ASCC3: variants seen among roughly 807,000 people sequenced by gnomAD.
The protein encoded by ASCC3 is activating signal cointegrator 1 complex subunit 3.
A neutral mutation model predicts 256.3 loss-of-function variants in ASCC3; 158 were observed. The observed-to-expected ratio is 0.62, with a 90% confidence interval of 0.54 to 0.70. The LOEUF (loss-of-function observed/expected upper bound fraction) is 0.70. Ranked by LOEUF, ASCC3 falls within the 30% of genes least tolerant of loss-of-function variation. ASCC3 has a pLI of 0.00. For missense variants in ASCC3, 2,259 were observed against 2,626.0 expected (o/e 0.86, Z 3.05); for synonymous variants, 948 against 883.4 (o/e 1.07, Z -1.30).
At chr6:100,578,100 T>C (rs191710701) in intron 36 of ASCC3, among the ~76,000 whole-genome samples, 7 of 151,988 alleles carry the variant, frequency 4.6e-5, no homozygotes, top group South Asian at 2.1e-4. Flanking sequence ...AAGGGTGATA[T>C]TGTCAATATA....
At chr6:100,851,614 T>G (rs1582962122) in intron 3 of ASCC3, among the ~76,000 whole-genome samples, 1 of 152,296 alleles carries the variant, frequency 6.6e-6, no homozygotes, top group South Asian at 2.1e-4. Flanking sequence ...TCACAAATAC[T>G]TAAAAAAATT....
intron 16 of ASCC3, among the ~76,000 whole-genome samples, chr6:100,656,543 C>T (rs569828418): frequency 6.6e-6 from 1 of 151,494 alleles, no homozygotes; most frequent in East Asian, 1.9e-4. Flanking sequence ...GATAATTCTT[C>T]AGATTGTATC....
intron 13 of ASCC3, among the ~76,000 whole-genome samples, chr6:100,712,485 A>T (rs887779864): frequency 1.3e-5 from 2 of 152,184 alleles, no homozygotes; most frequent in Non-Finnish European, 2.9e-5. Context: ...ACCAAAGAAG[A>T]TGGGCAAATG....
At chr6:100,665,149 C>T (rs1776402956) in intron 14 of ASCC3, among the ~76,000 whole-genome samples, 1 of 152,138 alleles carries the variant, frequency 6.6e-6, no homozygotes, top group Non-Finnish European at 1.5e-5. Context: ...GTACCTCCCA[C>T]TTGATCACAT....
intron 8 of ASCC3, among the ~76,000 whole-genome samples, chr6:100,793,794 T>C (rs1769468657): frequency 6.6e-6 from 1 of 151,872 alleles, no homozygotes; most frequent in Non-Finnish European, 1.5e-5. Context: ...AGATAGAATG[T>C]GGGATAGTGA....
At chr6:100,873,148 T>C (rs1466614375) in intron 1 of ASCC3, among the ~76,000 whole-genome samples, 2 of 88,464 alleles carry the variant, frequency 2.3e-5, no homozygotes, top group South Asian at 2.9e-4. Context: ...AAACAATAAA[T>C]GAAGGGAGAA....
intron 30 of ASCC3, among the ~76,000 whole-genome samples, chr6:100,616,151 G>T (rs1430900471): frequency 6.6e-6 from 1 of 152,054 alleles, no homozygotes; most frequent in Non-Finnish European, 1.5e-5. Flanking sequence ...ATTAATCAAA[G>T]AAAACTATAG....
intron 36 of ASCC3, among the ~76,000 whole-genome samples, chr6:100,579,084 G>A (rs555183648): frequency 2.2e-4 from 34 of 151,782 alleles, no homozygotes; most frequent in East Asian, 3.9e-4. Context: ...GATTAGTGAC[G>A]TTGAGCACTT....
intron 8 of ASCC3, among the ~76,000 whole-genome samples, chr6:100,796,714 T>C (rs996209303): frequency 6.6e-6 from 1 of 152,190 alleles, no homozygotes. Flanking sequence ...CCACCTGATC[T>C]GTGACTTTCA....
In ASCC3 at chr6:100,716,779, TTAGGTGA is replaced by T. The variant is rs201216277; in HGVS notation, c.2080-1253_2080-1247del. Reference sequence around the variant, plus strand: ...AAATATACTTTGGATTTAATTAGCTTTAGGTGATTTAACAATTTGTATGATGCAACTG... The same window carrying T: ...AAATATACTTTGGATTTAATTAGCTTTTTAACAATTTGTATGATGCAACTG... On this transcript the variant is annotated intron_variant, in intron 12 of 41. Coordinates refer to ENST00000369162, the MANE Select transcript of ASCC3 (RefSeq NM_006828.4). Among the ~76,000 whole-genome samples the T allele has an allele frequency of 3.4e-3, 524 of 152,068 alleles. 18 individuals carry two copies. The highest frequency in any genetic ancestry group is 0.029 in the Admixed American group (440 of 15,258).
chr6:100,768,381 A>G (rs1344851611), intron 8 of ASCC3, among the ~76,000 whole-genome samples: 3 of 152,158 alleles, frequency 2.0e-5, no homozygotes, highest in Non-Finnish European at 4.4e-5. Context: ...AAAAGGCCTA[A>G]AAGTAAGCAA....
intron 37 of ASCC3, among the ~76,000 whole-genome samples, chr6:100,521,216 C>G (rs987335671): frequency 2.0e-5 from 3 of 152,046 alleles, no homozygotes; most frequent in African/African-American, 7.2e-5. Flanking sequence ...AAGACCCTAA[C>G]TTTACTTAAT....
At chr6:100,751,411 G>A (rs1346755449) in intron 10 of ASCC3, among the ~76,000 whole-genome samples, 1 of 151,634 alleles carries the variant, frequency 6.6e-6, no homozygotes, top group African/African-American at 2.4e-5. Flanking sequence ...TGACAAATAC[G>A]GTCATAAATA....
chr6:100,555,670 C>T (rs929848582), intron 36 of ASCC3, among the ~76,000 whole-genome samples: 1 of 152,094 alleles, frequency 6.6e-6, no homozygotes, highest in Non-Finnish European at 1.5e-5. Flanking sequence ...GTTTTAAAGG[C>T]TACAATAAAA....
At chr6:100,863,897 A>T (rs1773346304) in intron 3 of ASCC3, among the ~76,000 whole-genome samples, 167 bp downstream of exon 3, 1 of 152,148 alleles carries the variant, frequency 6.6e-6, no homozygotes. Context: ...TGCTGGGGTT[A>T]CATGCATGAG....
Position 100,818,944 on chromosome 6 carries a change from A to G in ASCC3, c.802-13064T>C, listed in dbSNP as rs1408335032. Among the ~76,000 whole-genome samples the G allele has an allele frequency of 2.6e-5, 4 of 152,288 alleles. No individual in the cohort carries two copies. In the East Asian group the frequency reaches 7.7e-4, roughly 29 times the overall value. Reference sequence around the variant, plus strand: ...ATGTCCATCAGTGATAGACTGGATTAAGAAAATGTGGCACATATACACCAT... The same window carrying G: ...ATGTCCATCAGTGATAGACTGGATTGAGAAAATGTGGCACATATACACCAT... On this transcript the variant is annotated intron_variant, in intron 4 of 41. Transcript: ENST00000369162.
intron 30 of ASCC3, among the ~76,000 whole-genome samples, chr6:100,619,879 C>G (rs1028177230): frequency 6.6e-6 from 1 of 152,022 alleles, no homozygotes. Flanking sequence ...TGACTAGATA[C>G]AAGCAAGAGA....
intron 10 of ASCC3, among the ~76,000 whole-genome samples, chr6:100,764,992 G>A (rs1044514113): frequency 5.9e-5 from 9 of 152,120 alleles, no homozygotes; most frequent in African/African-American, 1.9e-4. Context: ...AAGGGGAGTA[G>A]GGGAAAAGAT....
Position 100,714,139 on chromosome 6 carries a change from T to C in ASCC3, c.2151+1323A>G, listed in dbSNP as rs539575824. Among the ~76,000 whole-genome samples, 460 of 152,296 alleles carry C rather than the reference T, an allele frequency of 3.0e-3. 2 individuals are homozygous for C. The highest frequency in any genetic ancestry group is 2.5e-3 in the Non-Finnish European group (173 of 68,014). The stretch of plus-strand genomic sequence containing the variant: ...CACCCACTTGTTCAAATATTGTCCA[T>C]AGCCGCTTTCATGCTAAATAGCAAA... On this transcript the variant is annotated intron_variant, in intron 13 of 41. Transcript: ENST00000369162.
Sources: allele counts gnomAD v4.1 joint callset (sites outside exome capture counted in the v4.1 genomes callset), GRCh38; gene constraint gnomAD v4.1.1; transcripts MANE v1.5; gene names NCBI Gene and HGNC (gene_info 2026-07-23, HGNC 2026-07-21).